Variants in RIPOR2 observed in about 807,000 individuals in gnomAD.
The protein encoded by RIPOR2 is RHO family interacting cell polarization regulator 2, also known as rho family-interacting cell polarization regulator 2.
Under a neutral mutation model 114.5 loss-of-function variants are expected in RIPOR2, and 39 were observed. That is an observed-to-expected ratio of 0.34 (90% CI 0.26 to 0.44). RIPOR2 has a LOEUF of 0.44. RIPOR2 is among the 20% of genes least tolerant of loss of function. The pLI, the probability that RIPOR2 is intolerant of heterozygous loss-of-function variation, is 1.00. For missense variants in RIPOR2, 1,007 were observed against 1,255.1 expected, an observed-to-expected ratio of 0.80 and a Z score of 2.99; for synonymous variants, 445 against 484.4, an observed-to-expected ratio of 0.92 and a Z score of 1.07.
intron 19 of RIPOR2, among the ~76,000 whole-genome samples, chr6:24,819,916 CTT>C (rs1434843466): frequency 6.6e-6 from 1 of 152,066 alleles, no homozygotes; most frequent in Non-Finnish European, 1.5e-5. Context: ...TCATAGGAAA[CTT>C]AATTACTCTT....
chr6:24,985,345 G>C (rs2113598745), intron 1 of RIPOR2, among the ~76,000 whole-genome samples: 1 of 146,836 alleles, frequency 6.8e-6, no homozygotes, highest in Admixed American at 7.0e-5. Flanking sequence ...CAAGAGGTGG[G>C]ACCAGGGGCT....
At chr6:24,949,422 T>A (rs1293242193) in intron 1 of RIPOR2, among the ~76,000 whole-genome samples, 1 of 152,144 alleles carries the variant, frequency 6.6e-6, no homozygotes, top group Non-Finnish European at 1.5e-5. Flanking sequence ...TAAACCCGTA[T>A]CCTTGCAAAT....
intron 1 of RIPOR2, among the ~76,000 whole-genome samples, chr6:24,932,314 CTGTGTG>C (rs58590259): frequency 2.5e-4 from 37 of 149,154 alleles, no homozygotes; most frequent in South Asian, 4.3e-4. Flanking sequence ...AAACTTAAGA[CTGTGTG>C]TGTGTGTGTG....
At chr6:24,878,472 A>G (rs1465916511) in intron 1 of RIPOR2, among the ~76,000 whole-genome samples, 2 of 152,144 alleles carry the variant, frequency 1.3e-5, no homozygotes, top group African/African-American at 4.8e-5. Context: ...CATTATATCT[A>G]TTGTATCACA....
intron 13 of RIPOR2, chr6:24,840,152 T>A: frequency 1.2e-6 from 1 of 829,454 alleles, no homozygotes; most frequent in Non-Finnish European, 1.5e-6. Flanking sequence ...GGTCTCCCTA[T>A]GTTGACCATA....
Position 24,861,349 on chromosome 6 carries a change from A to C in RIPOR2, c.652-313T>G, listed in dbSNP as rs554613284. On this transcript the variant is annotated intron_variant, in intron 7 of 21. Transcript: ENST00000643898. ...CAAAAAGGCAGTATCATAGGGGAAA[A>C]AATTTCTACATAAAGAGACTAGACA... Among the ~76,000 whole-genome samples, 4 of 152,354 alleles carry C rather than the reference A, an allele frequency of 2.6e-5. No individual in the cohort carries two copies. In the South Asian group the frequency reaches 8.3e-4, roughly 32 times the overall value.
chr6:24,850,097 C>T (rs796816562), intron 10 of RIPOR2, 147 bp from the exon 11 acceptor site: 106 of 437,112 alleles, frequency 2.4e-4, no homozygotes, highest in African/African-American at 9.0e-4. Context: ...TTTTCTTTTT[C>T]TTTTTTTTTT....
intron 8 of RIPOR2, among the ~76,000 whole-genome samples, chr6:24,859,547 T>C (rs1763846673): frequency 6.6e-6 from 1 of 151,624 alleles, no homozygotes; most frequent in African/African-American, 2.4e-5. Flanking sequence ...ACCTAAAAAA[T>C]GGAAAAAAGC....
intron 1 of RIPOR2, among the ~76,000 whole-genome samples, chr6:25,035,343 C>T (rs1416153951): frequency 1.3e-5 from 2 of 152,146 alleles, no homozygotes; most frequent in African/African-American, 2.4e-5. Context: ...AATCTTTAAG[C>T]TTGTAGCTTA....
intron 1 of RIPOR2, among the ~76,000 whole-genome samples, chr6:25,020,942 C>A (rs754730198): frequency 2.0e-5 from 3 of 152,088 alleles, no homozygotes; most frequent in Non-Finnish European, 4.4e-5. Context: ...CGGCAACCTC[C>A]GTCTTCTGGG....
intron 1 of RIPOR2, among the ~76,000 whole-genome samples, chr6:25,035,612 C>T (rs543059694): frequency 2.0e-5 from 3 of 152,244 alleles, no homozygotes; most frequent in East Asian, 1.9e-4. Flanking sequence ...CTCCCCATAC[C>T]GGTACAAAAT....
At position 24,919,272 on chromosome 6, in the gene RIPOR2, G is replaced by A. The variant is rs145370990; in HGVS notation, c.61+16566C>T. Among the ~76,000 whole-genome samples, 704 of 152,318 alleles carry A rather than the reference G, an allele frequency of 4.6e-3. 4 individuals are homozygous for A. Among genetic ancestry groups the A allele is most frequent in the African/African-American group, 6.8e-3 (284 of 41,570 alleles). ...AGCAAGACTGCTGTAATATCACTAC[G>A]TTGACAGTGCTCTTGCACCTAATAA... On this transcript the variant is annotated intron_variant, in intron 1 of 21. Transcript: ENST00000643898.
intron 1 of RIPOR2, among the ~76,000 whole-genome samples, chr6:24,895,438 T>TA (rs1338667555): frequency 0.038 from 4,467 of 117,730 alleles, 182 homozygotes; most frequent in African/African-American, 0.14. Context: ...ATACGTACTT[T>TA]AAAAAAAAAA....
intron 1 of RIPOR2, among the ~76,000 whole-genome samples, chr6:24,903,338 T>A (rs1768658062): frequency 6.6e-6 from 1 of 152,034 alleles, no homozygotes; most frequent in Non-Finnish European, 1.5e-5. Context: ...AAAGCCACAG[T>A]TTTGAGGGGA....
intron 19 of RIPOR2, among the ~76,000 whole-genome samples, chr6:24,822,981 A>G (rs188239368): frequency 4.3e-4 from 66 of 152,354 alleles, no homozygotes; most frequent in Non-Finnish European, 7.2e-4. Context: ...AGAGGCCACC[A>G]GCATCTCCTC....
chr6:24,953,149 C>T (rs2114205333), intron 1 of RIPOR2, among the ~76,000 whole-genome samples: 1 of 152,236 alleles, frequency 6.6e-6, no homozygotes, highest in South Asian at 2.1e-4. Flanking sequence ...GCCTGACCAA[C>T]ATGGAGAAAC....
chr6:25,000,963 T>G (rs549038574), intron 1 of RIPOR2, among the ~76,000 whole-genome samples: 19 of 152,330 alleles, frequency 1.2e-4, no homozygotes, highest in African/African-American at 4.6e-4. Context: ...GGCCAGTCAG[T>G]ATGTTCAGGA....
intron 1 of RIPOR2, among the ~76,000 whole-genome samples, chr6:24,999,840 G>A (rs1355668965): frequency 6.6e-6 from 1 of 152,202 alleles, no homozygotes; most frequent in Non-Finnish European, 1.5e-5. Flanking sequence ...ACAGGCATGA[G>A]CTACCGCGCC....
chr6:24,980,126 G>A, intron 1 of RIPOR2, among the ~76,000 whole-genome samples: 1 of 152,174 alleles, frequency 6.6e-6, no homozygotes, highest in East Asian at 1.9e-4. Flanking sequence ...AATATTTAAT[G>A]CAATCCAAGT....
Sources: gnomAD v4.1 joint callset for allele counts (sites outside exome capture counted in the v4.1 genomes callset) on GRCh38, gnomAD v4.1.1 for gene constraint, MANE v1.5 for transcripts, NCBI Gene and HGNC (gene_info 2026-07-23, HGNC 2026-07-21) for gene names.